Variants in DTNA observed in about 807,000 individuals in gnomAD.
DTNA encodes the protein dystrophin-related protein 3.
Under a neutral mutation model 100.7 loss-of-function variants are expected in DTNA, and 43 were observed. The ratio of observed to expected loss-of-function variants is 0.43; its 90% CI spans 0.33 to 0.55. The LOEUF (loss-of-function observed/expected upper bound fraction) is 0.55. Ranked by LOEUF, DTNA falls within the 20% of genes least tolerant of loss-of-function variation. DTNA has a pLI of 0.04. For synonymous variants in DTNA, 349 were observed against 347.9 expected, an observed-to-expected ratio of 1.00 and a Z score of -0.04; for missense variants, 798 against 953.9, an observed-to-expected ratio of 0.84 and a Z score of 2.15.
At chr18:34,628,699 C>G (rs1363447599) in intron 1 of DTNA, among the ~76,000 whole-genome samples, 1 of 152,134 alleles carries the variant, frequency 6.6e-6, no homozygotes, top group Non-Finnish European at 1.5e-5. Flanking sequence ...ATAGCTAAAG[C>G]AGAAAGATGT....
rs543584531 is a variant in DTNA at position 34,854,923 on chromosome 18, G to A, written c.1532+2995G>A. 3.3e-5 allele frequency among the ~76,000 whole-genome samples: 5 copies of A among 152,296 alleles called. No homozygotes were observed. The South Asian group carries it at 8.3e-4, about 25-fold the overall frequency. On this transcript the variant is annotated intron_variant, in intron 15 of 22. Transcript: ENST00000444659. ...TCCTCAGAACAACTATTTAAGGTAG[G>A]CAGGGTGACTATTATCATCCCCATT... is the stretch of plus-strand genomic sequence containing the variant.
intron 9 of DTNA, among the ~76,000 whole-genome samples, chr18:34,822,916 T>A (rs2095760863): frequency 6.6e-6 from 1 of 152,192 alleles, no homozygotes; most frequent in Admixed American, 6.5e-5. Context: ...TGATCTCTAC[T>A]CACTGATAAC....
intron 1 of DTNA, chr18:34,514,019 A>G (rs2041346355): frequency 6.6e-6 from 1 of 152,150 alleles, no homozygotes; most frequent in Non-Finnish European, 1.5e-5. Context: ...TGGACCAGAA[A>G]AAATAAAATC....
chr18:34,692,389 C>T (rs900945028), intron 1 of DTNA, among the ~76,000 whole-genome samples: 18 of 151,902 alleles, frequency 1.2e-4, no homozygotes, highest in South Asian at 2.1e-4. Context: ...CCTGTTATTC[C>T]GAGAAAAAAA....
At chr18:34,624,245 A>C (rs1382359580) in intron 1 of DTNA, among the ~76,000 whole-genome samples, 2 of 152,242 alleles carry the variant, frequency 1.3e-5, no homozygotes, top group African/African-American at 4.8e-5. Context: ...TGCCAGTTGC[A>C]GATCAATTAA....
At chr18:34,781,038 T>G (rs7237864) in intron 3 of DTNA, among the ~76,000 whole-genome samples, 21,445 of 152,134 alleles carry the variant, frequency 0.14, 1,581 homozygotes, top group African/African-American at 0.17. Context: ...TCAGAGGTAT[T>G]CAGAAAGAGG....
At chr18:34,722,554 A>G (rs1397642149) in intron 1 of DTNA, among the ~76,000 whole-genome samples, 1 of 152,020 alleles carries the variant, frequency 6.6e-6, no homozygotes, top group African/African-American at 2.4e-5. Context: ...TTGATAATGA[A>G]CTAAACTATT....
chr18:34,823,799 A>G lies in DTNA; in HGVS notation c.1001+2884A>G, dbSNP rs143604110. Among the ~76,000 whole-genome samples, 412 of 152,306 alleles carry G rather than the reference A, an allele frequency of 2.7e-3. 1 individual carries two copies. The highest frequency in any genetic ancestry group is 6.8e-3 in the Middle Eastern group (2 of 294). On this transcript the variant is annotated intron_variant, in intron 9 of 22. Coordinates refer to ENST00000444659, the MANE Select transcript of DTNA (RefSeq NM_001386795.1). Reference sequence around the variant, plus strand: ...GTGTCACAAAAATATCCCAGTCCACATCAGTTACACCCATAGATAAGCTTA... The same window carrying G: ...GTGTCACAAAAATATCCCAGTCCACGTCAGTTACACCCATAGATAAGCTTA...
intron 1 of DTNA, among the ~76,000 whole-genome samples, chr18:34,626,949 C>T (rs2057401316): frequency 6.6e-6 from 1 of 152,190 alleles, no homozygotes; most frequent in Admixed American, 6.5e-5. Flanking sequence ...AAATCCCCTC[C>T]ATGTGGACTC....
chr18:34,862,630 C>G (rs905863194), intron 16 of DTNA, among the ~76,000 whole-genome samples: 2 of 151,846 alleles, frequency 1.3e-5, no homozygotes, highest in African/African-American at 2.4e-5. Flanking sequence ...GAGAAACCAT[C>G]TCTTAAAAAA....
Position 34,587,967 on chromosome 18 carries a change from T to C in DTNA, c.-2+94453T>C, listed in dbSNP as rs17636752. ...AGTCAGTCCAAGAGACTGTAATAGA[T>C]ACCCATCATGGGAACTGAGAGAGAC... On this transcript the variant is annotated intron_variant, in intron 1 of 19. Transcript: ENST00000283365. Among the ~76,000 whole-genome samples, 154 of 152,070 alleles carry C rather than the reference T, an allele frequency of 1.0e-3. 1 individual carries two copies. The highest frequency in any genetic ancestry group is 1.7e-3 in the Non-Finnish European group (118 of 67,984).
intron 1 of DTNA, among the ~76,000 whole-genome samples, chr18:34,542,822 T>G (rs183563651): frequency 5.3e-5 from 8 of 152,256 alleles, no homozygotes; most frequent in Admixed American, 1.3e-4. Flanking sequence ...AACTAATATC[T>G]GCTTACACCA....
chr18:34,722,226 C>T (rs966941520), intron 1 of DTNA, among the ~76,000 whole-genome samples: 4 of 152,068 alleles, frequency 2.6e-5, no homozygotes, highest in Non-Finnish European at 4.4e-5. Context: ...AAGAATGTCA[C>T]TTGCTAGCTA....
chr18:34,662,701 A>G (rs1159670905), intron 1 of DTNA, among the ~76,000 whole-genome samples: 2 of 152,200 alleles, frequency 1.3e-5, no homozygotes, highest in Admixed American at 6.5e-5. Flanking sequence ...AAGAAATGAT[A>G]ATATAAATAT....
At chr18:34,516,361 A>G (rs570630232) in intron 1 of DTNA, among the ~76,000 whole-genome samples, 1 of 152,096 alleles carries the variant, frequency 6.6e-6, no homozygotes, top group Non-Finnish European at 1.5e-5. Flanking sequence ...AGATCACAGG[A>G]CCAGGGCGAA....
chr18:34,561,816 A>G (rs2046661099), intron 1 of DTNA, among the ~76,000 whole-genome samples: 1 of 152,180 alleles, frequency 6.6e-6, no homozygotes. Context: ...TCCTTCATTT[A>G]TTGACAGTTT....
intron 1 of DTNA, among the ~76,000 whole-genome samples, chr18:34,601,652 C>G (rs2051861264): frequency 6.6e-6 from 1 of 152,210 alleles, no homozygotes; most frequent in Non-Finnish European, 1.5e-5. Flanking sequence ...TAAATGTACG[C>G]CACCTGCGAT....
At chr18:34,821,425 AGT>A in intron 9 of DTNA, 1 of 450,510 alleles carries the variant, frequency 2.2e-6, no homozygotes, top group Non-Finnish European at 4.5e-6. Flanking sequence ...GAAGAGGGGG[AGT>A]GGCGGGAAAA....
At chr18:34,565,729 A>C (rs2047026436) in intron 1 of DTNA, among the ~76,000 whole-genome samples, 1 of 152,176 alleles carries the variant, frequency 6.6e-6, no homozygotes, top group Non-Finnish European at 1.5e-5. Flanking sequence ...TTTAGAGCCC[A>C]CCTTAATGCA....
Sources: allele counts gnomAD v4.1 joint callset (sites outside exome capture counted in the v4.1 genomes callset), GRCh38; gene constraint gnomAD v4.1.1; transcripts MANE v1.5; gene names NCBI Gene and HGNC (gene_info 2026-07-23, HGNC 2026-07-21).